GSTM5: variants seen among roughly 807,000 people sequenced by gnomAD.
The protein encoded by GSTM5 is glutathione S-transferase mu 5.
In GSTM5, 24 loss-of-function variants were observed where a neutral mutation model predicts 29.0. The ratio of observed to expected loss-of-function variants is 0.83; its 90% CI spans 0.60 to 1.16. The LOEUF is 1.16. Among genes scored for constraint, GSTM5 ranks in the 50% most tolerant of loss-of-function variants. The pLI is 0.00. For missense variants in GSTM5, 290 were observed against 263.0 expected (o/e 1.10, Z -0.71); for synonymous variants, 91 against 93.6 (o/e 0.97, Z 0.16).
chr1:109,712,691 A>C lies in GSTM5; in HGVS notation c.110A>C (p.Asp37Ala). The stretch of plus-strand genomic sequence containing the variant: ...GTGGAAAAGAAGTACACGCTGGGGG[A>C]CGGTAATGGCACCCTCGTGTCCGGG... ...SYVEKKYTLG[D>A]APDYDRSQWL... is the part of the protein sequence containing the mutation. Residue 37 changes from aspartate (D) to alanine (A), a missense_variant and splice_region_variant, in exon 2 of 8, where the codon GAC becomes GCC. Asp to Ala is a moderately radical substitution (Grantham distance 126). Transcript: ENST00000256593. 5.6e-6 allele frequency: 9 copies of C among 1,613,762 alleles called. No homozygotes were observed. Among genetic ancestry groups the C allele is most frequent in the Non-Finnish European group, 7.6e-6 (9 of 1,179,764 alleles).
chr1:109,712,800 T>C, intron 2 of GSTM5, 107 bp downstream of exon 2: 1 of 1,291,210 alleles, frequency 7.7e-7, no homozygotes, highest in East Asian at 2.3e-5. Flanking sequence ...CTGCTGGAGC[T>C]GCAGGCTGTC....
chr1:109,714,799 A>G, intron 5 of GSTM5, 148 bp from the exon 6 acceptor site: 1 of 738,856 alleles, frequency 1.4e-6, no homozygotes, highest in Non-Finnish European at 2.4e-6. Context: ...TGATGTATCC[A>G]ATTGAAGCCT....
At chr1:109,715,542 G>A (rs1057392557) in intron 7 of GSTM5, 2 of 1,413,322 alleles carry the variant, frequency 1.4e-6, no homozygotes, top group African/African-American at 2.9e-5. Flanking sequence ...GTGAGCCTCT[G>A]GATCTATGGG....
At position 109,712,266 on chromosome 1, in the gene GSTM5, C is replaced by T; in HGVS notation, c.-47C>T. The T allele has an allele frequency of 1.2e-6, 2 of 1,609,604 alleles. No homozygotes were observed. Among genetic ancestry groups the T allele is most frequent in the Non-Finnish European group, 1.7e-6 (2 of 1,175,940 alleles). On this transcript the variant is annotated 5_prime_UTR_variant, in exon 1 of 8. Coordinates refer to ENST00000256593, the MANE Select transcript of GSTM5 (RefSeq NM_000851.4). ...CCTCCTGGGCCTCTCAAAGTCTGAG[C>T]CCCGCTCCGCTGATGCCTGTCTGCA...
At position 109,714,871 on chromosome 1, in the gene GSTM5, A is replaced by G. The variant is rs1432237265; in HGVS notation, c.361-76A>G. On this transcript the variant is annotated intron_variant, in intron 5 of 7. Coordinates refer to ENST00000256593, the MANE Select transcript of GSTM5 (RefSeq NM_000851.4). The stretch of plus-strand genomic sequence containing the variant: ...TGCTTGCCTGTGGCCAGCCTGGGCC[A>G]TCTACAGCCCTGGGGAGGCCACGTC... 4 of 1,441,296 alleles carry G rather than the reference A, an allele frequency of 2.8e-6. No individual in the cohort carries two copies. In the South Asian group the frequency reaches 3.4e-5, roughly 12 times the overall value. The allele number at this position is 1,441,296 out of a possible 1,614,324, so 89.3% of individuals were successfully genotyped here. A position where few individuals can be genotyped will look rare whatever the true frequency, so the allele number is the denominator to read the frequency against.
In GSTM5 at chr1:109,713,047, C is replaced by T. The variant is rs558045349; in HGVS notation, c.113-72C>T. On this transcript the variant is annotated intron_variant, in intron 2 of 7. Transcript: ENST00000256593. ...CCTGTCTCAGGGATCTTGCCACTGG[C>T]TCCTTGGGAGGGTCCCCGGGAAGGA... is the stretch of plus-strand genomic sequence containing the variant. The T allele has an allele frequency of 1.5e-4, 239 of 1,583,152 alleles. 2 individuals carry two copies. Among genetic ancestry groups the T allele is most frequent in the South Asian group, 1.2e-3 (104 of 90,294 alleles).
chr1:109,714,954 T>C lies in GSTM5; in HGVS notation c.368T>C (p.Leu123Pro), dbSNP rs759918069. 3.1e-6 allele frequency: 5 copies of C among 1,614,264 alleles called. No individual in the cohort carries two copies. In the South Asian group the frequency reaches 5.5e-5, roughly 18 times the overall value. ...RLCYDPDFEK[L>P]KPKYLEELPE... ...AGCTGTTTTCTGCCTCAGGAGAAAC[T>C]GAAGCCAAAATACTTGGAGGAACTC... The change falls in exon 6 of 8, where the codon CTG becomes CCG. Residue 123 changes from leucine (L) to proline (P), a missense_variant. Physicochemically the swap from Leu to Pro is moderately conservative, Grantham distance 98. Transcript: ENST00000256593.
intron 7 of GSTM5, 127 bp downstream of exon 7, chr1:109,715,367 A>T: frequency 1.3e-6 from 2 of 1,595,346 alleles, no homozygotes; most frequent in Non-Finnish European, 1.7e-6. Flanking sequence ...CATGCCAGGA[A>T]TCATGCCCAG....
At chr1:109,715,453 G>A (rs1354150309) in intron 7 of GSTM5, 23 of 1,527,082 alleles carry the variant, frequency 1.5e-5, no homozygotes, top group Non-Finnish European at 1.8e-5. Flanking sequence ...GCCCATTTTA[G>A]AGATAAGAAA....
intron 7 of GSTM5, chr1:109,715,779 A>G: frequency 2.5e-6 from 1 of 405,830 alleles, no homozygotes; most frequent in Non-Finnish European, 4.5e-6. Context: ...CCCCATGTGG[A>G]AAATCCTGAG....
At chr1:109,715,102 C>T (rs2101319448) in intron 6 of GSTM5, 28 bp from the exon 7 acceptor site, 1 of 1,614,116 alleles carries the variant, frequency 6.2e-7, no homozygotes, top group Non-Finnish European at 8.5e-7. Flanking sequence ...TCGGGGTTTT[C>T]AGCCCACACA....
chr1:109,717,310 G>A (rs1648783870), intron 7 of GSTM5, 27 bp from the exon 8 acceptor site: 2 of 1,579,060 alleles, frequency 1.3e-6, no homozygotes, highest in African/African-American at 1.3e-5. Flanking sequence ...AGCAGACCTG[G>A]CTCTGGCCCC....
chr1:109,713,997 A>G (rs1648659888), intron 5 of GSTM5: 1 of 386,036 alleles, frequency 2.6e-6, no homozygotes. Flanking sequence ...GCTACCACCC[A>G]GAGTTTGTGA....
chr1:109,712,569 A>C, intron 1 of GSTM5, 49 bp from the exon 2 acceptor site: 1 of 1,599,224 alleles, frequency 6.3e-7, no homozygotes, highest in Non-Finnish European at 8.6e-7. Flanking sequence ...AAAGTCACCA[A>C]GTCAGGGACC....
rs1489948966 is a variant in GSTM5 at position 109,717,334 on chromosome 1, C to G, written c.568-3C>G. Reference sequence around the variant, plus strand: ...GGCTCTGGCCCCTTCTTCCCGCCCTCAGGGTTTGAAGAAGATCTCTGCCTA... The same window carrying G: ...GGCTCTGGCCCCTTCTTCCCGCCCTGAGGGTTTGAAGAAGATCTCTGCCTA... On this transcript the variant is annotated splice_polypyrimidine_tract_variant and splice_region_variant and intron_variant, in intron 7 of 7. Transcript: ENST00000256593. 9 of 1,612,192 alleles carry G rather than the reference C, an allele frequency of 5.6e-6. No individual in the cohort carries two copies. Among genetic ancestry groups the G allele is most frequent in the Non-Finnish European group, 7.6e-6 (9 of 1,178,300 alleles).
chr1:109,712,450 C>G, intron 1 of GSTM5, 102 bp downstream of exon 1: 1 of 1,389,506 alleles, frequency 7.2e-7, no homozygotes, highest in Admixed American at 1.7e-5. Flanking sequence ...CAGGGCTGCC[C>G]GCCTCAGAAG....
At chr1:109,712,202 G>A (rs549186896), upstream of GSTM5, 3 of 1,159,230 alleles carry the variant, frequency 2.6e-6, no homozygotes, top group South Asian at 1.3e-5. Context: ...GGGTTGTGGC[G>A]GGCCGAGGGG....
chr1:109,713,928 T>C (rs1648657192), intron 5 of GSTM5, 167 bp downstream of exon 5: 1 of 492,598 alleles, frequency 2.0e-6, no homozygotes, highest in Admixed American at 3.6e-5. Context: ...TTCTGAAGAT[T>C]CTTGTGGACA....
intron 2 of GSTM5, 169 bp downstream of exon 2, chr1:109,712,862 TG>T: frequency 1.1e-6 from 1 of 897,922 alleles, no homozygotes; most frequent in Non-Finnish European, 1.8e-6. Flanking sequence ...GGCAGAATGC[TG>T]GGGCGGGATG....
Sources: gnomAD v4.1 joint callset for allele counts on GRCh38, gnomAD v4.1.1 for gene constraint, MANE v1.5 for transcripts, NCBI Gene and HGNC (gene_info 2026-07-23, HGNC 2026-07-21) for gene names.